CMC2: variants seen among roughly 807,000 people sequenced by gnomAD.
The protein encoded by CMC2 is COX assembly mitochondrial protein 2 homolog.
In CMC2, 5 loss-of-function variants were observed where a neutral mutation model predicts 7.5. That is an observed-to-expected ratio of 0.66 (90% CI 0.35 to 1.40). The LOEUF is 1.40. CMC2 is among the 40% of genes most tolerant of loss of function. CMC2 has a pLI of 0.04. For synonymous variants in CMC2, 37 were observed against 31.4 expected, an observed-to-expected ratio of 1.18 and a Z score of -0.60; for missense variants, 115 against 92.3, an observed-to-expected ratio of 1.25 and a Z score of -1.01.
At position 80,972,359 on chromosome 16, in the gene CMC2, TTTG is replaced by T. The variant is rs919096056; in HGVS notation, c.*3731_*3733del. The T allele has an allele frequency of 5.3e-5, 8 of 151,768 alleles. No homozygotes were observed. The highest frequency in any genetic ancestry group is 1.2e-4 in the Non-Finnish European group (8 of 67,986). The allele number at this position is 151,768 out of a possible 1,614,324, so 9.4% of individuals were successfully genotyped here. A position where few individuals can be genotyped will look rare whatever the true frequency, so the allele number is the denominator to read the frequency against. ...AACTCCCTTGGGACAGTGAGGATTT[TTTG>T]TTTTTCGTTTTTTTTGTTTTTTTCT... On this transcript the variant is annotated 3_prime_UTR_variant, in exon 4 of 4. Transcript: ENST00000219400.
In CMC2 at chr16:80,976,291, G is replaced by C. The variant is rs556077510; in HGVS notation, c.154-112C>G. On this transcript the variant is annotated intron_variant, in intron 3 of 3. Coordinates refer to ENST00000219400, the MANE Select transcript of CMC2 (RefSeq NM_020188.5). ...ATATAAATGTCCTTTGAGGTTAACA[G>C]GGTTTAAATTTTTTAAACATGTTCT... The C allele has an allele frequency of 6.6e-6, 4 of 605,676 alleles. No homozygotes were observed. The African/African-American group carries it at 7.6e-5, about 11-fold the overall frequency. The allele number at this position is 605,676 out of a possible 1,614,324, so 37.5% of individuals were successfully genotyped here.
chr16:81,001,342 A>G (rs1388782151), intron 1 of CMC2: 1 of 152,236 alleles, frequency 6.6e-6, no homozygotes, highest in Non-Finnish European at 1.5e-5. Context: ...AATCTGAAAT[A>G]AAATTTGAAA....
Position 80,982,012 on chromosome 16 carries a change from T to C in CMC2, c.82-135A>G, listed in dbSNP as rs981867139. Reference sequence around the variant, plus strand: ...ATAAACAAGTAATAGTTAAATCACATGTATAAAACACAGTTGGCCCTTGAA... The same window carrying C: ...ATAAACAAGTAATAGTTAAATCACACGTATAAAACACAGTTGGCCCTTGAA... On this transcript the variant is annotated intron_variant, in intron 2 of 3. Transcript: ENST00000219400. 23 of 567,264 alleles carry C rather than the reference T, an allele frequency of 4.1e-5. No homozygotes were observed. In the South Asian group the frequency reaches 4.7e-4, roughly 11 times the overall value. The allele number at this position is 567,264 out of a possible 1,614,324, so 35.1% of individuals were successfully genotyped here.
At chr16:80,981,113 G>A (rs533141168) in intron 3 of CMC2, among the ~76,000 whole-genome samples, 1 of 149,034 alleles carries the variant, frequency 6.7e-6, no homozygotes, top group South Asian at 2.1e-4. Context: ...TAACAAAAAT[G>A]ATATCTGAAA....
intron 2 of CMC2, among the ~76,000 whole-genome samples, chr16:80,991,290 G>A (rs371264802): frequency 2.0e-5 from 3 of 152,058 alleles, no homozygotes; most frequent in Non-Finnish European, 4.4e-5. Context: ...GCTGCACACA[G>A]TGACTTCCTT....
In CMC2 at chr16:80,997,417, A is replaced by G; in HGVS notation, c.-23T>C. On this transcript the variant is annotated 5_prime_UTR_variant, in exon 2 of 4. Coordinates refer to ENST00000219400, the MANE Select transcript of CMC2 (RefSeq NM_020188.5). ...CATCTTTAGGAGATGAGGATGGATC[A>G]CAGCAGTGCAACCTGTGGATACAAG... 1.3e-6 allele frequency: 2 copies of G among 1,582,352 alleles called. No individual in the cohort carries two copies. Among genetic ancestry groups the G allele is most frequent in the Admixed American group, 1.7e-5 (1 of 59,948 alleles).
At chr16:81,005,884 A>T (rs556340003) in intron 1 of CMC2, among the ~76,000 whole-genome samples, 3 of 152,360 alleles carry the variant, frequency 2.0e-5, no homozygotes, top group African/African-American at 7.2e-5. Flanking sequence ...ATTCTTGCCA[A>T]TGCACATGGT....
chr16:80,990,522 A>T (rs2549846), intron 2 of CMC2, among the ~76,000 whole-genome samples: 98,567 of 151,500 alleles, frequency 0.65, 33,795 homozygotes, highest in South Asian at 0.8. Context: ...TGCTCCTACC[A>T]ACCTCTCAGA....
intron 1 of CMC2, among the ~76,000 whole-genome samples, chr16:81,004,641 G>A (rs557747010): frequency 6.6e-6 from 1 of 152,306 alleles, no homozygotes; most frequent in African/African-American, 2.4e-5. Flanking sequence ...CTAGCTAAGG[G>A]GCCCATAAGG....
chr16:80,978,456 AC>A (rs756295063), intron 3 of CMC2: 1 of 1,081,008 alleles, frequency 9.3e-7, no homozygotes, highest in Non-Finnish European at 1.2e-6. Context: ...GAAGTTACTC[AC>A]AAAACTCAAT....
chr16:80,997,329 C>T lies in CMC2; in HGVS notation c.66G>A (p.Lys22=). The change falls in exon 2 of 4, where the codon AAG becomes AAA. Residue 22 remains lysine, a synonymous_variant. Coordinates refer to ENST00000219400, the MANE Select transcript of CMC2 (RefSeq NM_020188.5). ...EECNVLINLL[K]ECHKNHNILK... is the part of the protein sequence containing the mutation. ...GAACTCTTACATTTTTGTGACATTC[C>T]TTAAGCAAGTTAATCAAGACGTTGC... 1 of 1,563,678 alleles carries T rather than the reference C, an allele frequency of 6.4e-7. No individual in the cohort carries two copies.
At chr16:80,978,312 G>T in intron 3 of CMC2, 4 of 1,256,288 alleles carry the variant, frequency 3.2e-6, no homozygotes, top group East Asian at 1.2e-4. Flanking sequence ...CTCTTCAGAA[G>T]ATAATACTTT....
rs900770541 is a variant in CMC2 at position 80,967,903 on chromosome 16, T to C, written c.*8190A>G. ...TCATATTCAATGACAACATACCATATTAACGCTTCCTATTTTTTTTTCAAA... is the reference window on the plus strand; with the variant it reads ...TCATATTCAATGACAACATACCATACTAACGCTTCCTATTTTTTTTTCAAA... On this transcript the variant is annotated 3_prime_UTR_variant, in exon 4 of 4. Transcript: ENST00000219400. The C allele has an allele frequency of 6.6e-6, 1 of 152,206 alleles. No individual in the cohort carries two copies. Among genetic ancestry groups the C allele is most frequent in the East Asian group, 1.9e-4 (1 of 5,194 alleles). The allele number at this position is 152,206 out of a possible 1,614,324, so 9.4% of individuals were successfully genotyped here. A position where few individuals can be genotyped will look rare whatever the true frequency, so the allele number is the denominator to read the frequency against.
intron 2 of CMC2, among the ~76,000 whole-genome samples, chr16:80,995,808 G>C (rs1164291566): frequency 6.6e-6 from 1 of 152,202 alleles, no homozygotes; most frequent in East Asian, 1.9e-4. Flanking sequence ...ACAGGAAACT[G>C]ATAGAAATGT....
chr16:80,979,044 G>A lies in CMC2; in HGVS notation c.153+2762C>T, dbSNP rs543539711. ...TGCAGTGGGCTGAGATTGCGCCACT[G>A]CACTCCAGCCTGGGTGACAGAGTGA... On this transcript the variant is annotated intron_variant, in intron 3 of 3. Transcript: ENST00000219400. 4.6e-5 allele frequency among the ~76,000 whole-genome samples: 7 copies of A among 151,858 alleles called. No individual in the cohort carries two copies. In the South Asian group the frequency reaches 1.2e-3, roughly 27 times the overall value.
rs138492614 is a variant in CMC2 at position 80,976,737 on chromosome 16, A to G, written c.154-558T>C. Among the ~76,000 whole-genome samples, 133 of 152,314 alleles carry G rather than the reference A, an allele frequency of 8.7e-4. 1 individual carries two copies. The highest frequency in any genetic ancestry group is 8.7e-3 in the East Asian group (45 of 5,194). ...ACTCGTTCCAAAGTTTTTCATTTTAAACCAAAAGTGCTGCCTTGTCAACTA... is the reference window on the plus strand; with the variant it reads ...ACTCGTTCCAAAGTTTTTCATTTTAGACCAAAAGTGCTGCCTTGTCAACTA... On this transcript the variant is annotated intron_variant, in intron 3 of 3. Transcript: ENST00000219400.
chr16:81,006,805 G>A lies in CMC2; in HGVS notation c.-107C>T, dbSNP rs1969403190. The A allele has an allele frequency of 1.0e-6, 1 of 985,626 alleles. No individual in the cohort carries two copies. Among genetic ancestry groups the A allele is most frequent in the East Asian group, 1.1e-4 (1 of 8,816 alleles). The allele number at this position is 985,626 out of a possible 1,614,324, so 61.1% of individuals were successfully genotyped here. A position where few individuals can be genotyped will look rare whatever the true frequency, so the allele number is the denominator to read the frequency against. ...GAGACGCCCGACCCGAAGGCCGGCT[G>A]CTAGGGAGCAGACAGCTGAACCGCT... is the stretch of plus-strand genomic sequence containing the variant. On this transcript the variant is annotated 5_prime_UTR_variant, in exon 1 of 4. Coordinates refer to ENST00000219400, the MANE Select transcript of CMC2 (RefSeq NM_020188.5).
intron 2 of CMC2, among the ~76,000 whole-genome samples, chr16:80,988,161 G>A (rs1445728767): frequency 6.6e-6 from 1 of 152,180 alleles, no homozygotes; most frequent in Non-Finnish European, 1.5e-5. Flanking sequence ...TCGAGCCTGG[G>A]TGACAGAGTG....
At chr16:80,977,679 A>C (rs982037821) in intron 3 of CMC2, among the ~76,000 whole-genome samples, 2 of 152,196 alleles carry the variant, frequency 1.3e-5, no homozygotes, top group Non-Finnish European at 2.9e-5. Flanking sequence ...TGGGCTAGAT[A>C]ATCTTTAAGA....
Sources: allele counts gnomAD v4.1 joint callset (sites outside exome capture counted in the v4.1 genomes callset), GRCh38; gene constraint gnomAD v4.1.1; transcripts MANE v1.5; gene names NCBI Gene and HGNC (gene_info 2026-07-23, HGNC 2026-07-21).